The following XIRP2 variants were observed in gnomAD, a reference collection of about 807,000 sequenced individuals.
XIRP2 encodes the protein xin actin binding repeat containing 2, also known as xin actin-binding repeat-containing protein 2.
A neutral mutation model predicts 277.0 loss-of-function variants in XIRP2; 236 were observed. The observed-to-expected ratio is 0.85, with a 90% CI of 0.77 to 0.95. XIRP2 has a LOEUF of 0.95. Ranked by LOEUF, XIRP2 falls within the 40% of genes least tolerant of loss-of-function variation. The pLI is 0.00. For synonymous variants in XIRP2, 1,490 were observed against 1,416.5 expected, an observed-to-expected ratio of 1.05 and a Z score of -1.17; for missense variants, 4,640 against 4,157.5, an observed-to-expected ratio of 1.12 and a Z score of -3.19.
chr2:167,164,614 G>A (rs1053716898), intron 3 of XIRP2, among the ~76,000 whole-genome samples: 1 of 151,988 alleles, frequency 6.6e-6, no homozygotes, highest in Non-Finnish European at 1.5e-5. Context: ...TCTTTTACTG[G>A]CAATAACTCA....
chr2:167,058,990 T>G (rs1395659116), intron 2 of XIRP2, among the ~76,000 whole-genome samples: 1 of 151,322 alleles, frequency 6.6e-6, no homozygotes. Flanking sequence ...CAGAAAAAGA[T>G]GGAAAGAATA....
intron 2 of XIRP2, among the ~76,000 whole-genome samples, chr2:166,956,656 T>A (rs1686169285): frequency 6.6e-6 from 1 of 151,840 alleles, no homozygotes; most frequent in South Asian, 2.1e-4. Flanking sequence ...TTTCAGTTAA[T>A]CATCTTAACC....
rs768038617 is a variant in XIRP2 at position 167,136,037 on chromosome 2, A to C, written c.537A>C (p.Glu179Asp). The change falls in exon 3 of 11, where the codon GAA (glutamate) becomes GAC (aspartate). Residue 179 changes from glutamate to aspartate, a missense_variant. Glu to Asp is a conservative substitution (Grantham distance 45). Coordinates refer to ENST00000409195, the MANE Select transcript of XIRP2 (RefSeq NM_152381.6). ...CATCTTTTGACAAGATGTCACCTGAAAGTGGTCACAGCCGCATCTTTGAAG... is the reference window on the plus strand; with the variant it reads ...CATCTTTTGACAAGATGTCACCTGACAGTGGTCACAGCCGCATCTTTGAAG... ...KETSFDKMSPESGHSRIFEAT... is the reference protein window; with the variant it reads ...KETSFDKMSPDSGHSRIFEAT... The C allele has an allele frequency of 1.2e-6, 2 of 1,608,482 alleles. No individual in the cohort carries two copies. The highest frequency in any genetic ancestry group is 2.2e-5 in the South Asian group (2 of 90,240).
intron 2 of XIRP2, among the ~76,000 whole-genome samples, chr2:166,911,464 A>G (rs1684697157): frequency 6.6e-6 from 1 of 152,098 alleles, no homozygotes; most frequent in Non-Finnish European, 1.5e-5. Flanking sequence ...TTTGCTTGGT[A>G]GATCTTCCTT....
chr2:167,155,024 C>T (rs1574304228), intron 3 of XIRP2, among the ~76,000 whole-genome samples: 2 of 151,966 alleles, frequency 1.3e-5, no homozygotes, highest in East Asian at 1.9e-4. Context: ...TCAACACATA[C>T]ACCCTCCCAA....
chr2:167,035,737 C>T (rs1248142848), intron 2 of XIRP2, among the ~76,000 whole-genome samples: 1 of 152,154 alleles, frequency 6.6e-6, no homozygotes, highest in Non-Finnish European at 1.5e-5. Context: ...TGTTAATCCC[C>T]AAGACCATGG....
intron 3 of XIRP2, among the ~76,000 whole-genome samples, chr2:167,196,296 T>G (rs1693504895): frequency 6.6e-6 from 1 of 152,134 alleles, no homozygotes; most frequent in Non-Finnish European, 1.5e-5. Context: ...ACTAGAGATG[T>G]GCATTAGGTG....
chr2:166,931,488 C>T (rs1685335822), intron 2 of XIRP2, among the ~76,000 whole-genome samples: 1 of 152,184 alleles, frequency 6.6e-6, no homozygotes, highest in Non-Finnish European at 1.5e-5. Flanking sequence ...TCCAGCACCA[C>T]TTTTAAACTT....
chr2:167,142,081 C>T (rs1369891311), intron 3 of XIRP2, among the ~76,000 whole-genome samples: 1 of 152,118 alleles, frequency 6.6e-6, no homozygotes, highest in African/African-American at 2.4e-5. Flanking sequence ...TGTGGAATCA[C>T]TCCTACCCTG....
At chr2:167,045,036 G>GA (rs1046327080) in intron 2 of XIRP2, among the ~76,000 whole-genome samples, 19 of 150,896 alleles carry the variant, frequency 1.3e-4, no homozygotes, top group African/African-American at 4.4e-4. Flanking sequence ...CATACTATTG[G>GA]AAAAAAAAGA....
chr2:167,173,618 T>G (rs967247594), intron 3 of XIRP2, among the ~76,000 whole-genome samples: 1 of 152,206 alleles, frequency 6.6e-6, no homozygotes, highest in Non-Finnish European at 1.5e-5. Flanking sequence ...CTTCAATACA[T>G]TGATTTCCCT....
chr2:166,950,853 T>C (rs551562669), intron 2 of XIRP2, among the ~76,000 whole-genome samples: 1 of 152,174 alleles, frequency 6.6e-6, no homozygotes, highest in African/African-American at 2.4e-5. Context: ...CAGTACAAAG[T>C]TCCCTCGTTA....
rs1695126510 is a variant in XIRP2, at chr2:167,243,165, T to C, written c.1773T>C (p.Asn591=). 6.2e-7 allele frequency: 1 copy of C among 1,614,148 alleles called. No homozygotes were observed. Among genetic ancestry groups the C allele is most frequent in the Non-Finnish European group, 8.5e-7 (1 of 1,179,992 alleles). ...FENQPLDSIN[N]GSPDEGDISR... ...ATCAACCATTGGATTCCATCAACAA[T>C]GGCTCTCCTGATGAAGGTGATATTT... is the stretch of plus-strand genomic sequence containing the variant. Residue 591 remains asparagine, a synonymous_variant, in exon 9 of 11, where the codon AAT becomes AAC. Transcript: ENST00000409195.
chr2:166,899,180 A>T (rs1684315789), intron 1 of XIRP2, among the ~76,000 whole-genome samples: 1 of 152,036 alleles, frequency 6.6e-6, no homozygotes, highest in South Asian at 2.1e-4. Context: ...AGTATGATGG[A>T]TTTTTATTAG....
intron 2 of XIRP2, among the ~76,000 whole-genome samples, chr2:167,069,812 T>A (rs977766714): frequency 6.6e-6 from 1 of 152,160 alleles, no homozygotes; most frequent in African/African-American, 2.4e-5. Context: ...TTTCTACTTT[T>A]ATTTTTCAGT....
chr2:167,231,068 CAA>C (rs1451387308), intron 5 of XIRP2, among the ~76,000 whole-genome samples: 1 of 152,038 alleles, frequency 6.6e-6, no homozygotes, highest in East Asian at 1.9e-4. Context: ...AAAGAAAACA[CAA>C]GTTATCATTT....
chr2:167,195,490 C>T (rs1179193319), intron 3 of XIRP2, among the ~76,000 whole-genome samples: 5 of 152,174 alleles, frequency 3.3e-5, no homozygotes, highest in Admixed American at 3.3e-4. Context: ...CTTAGCATGT[C>T]CTGCACAGCA....
chr2:167,105,132 A>G (rs957825810), intron 2 of XIRP2, among the ~76,000 whole-genome samples: 1 of 152,012 alleles, frequency 6.6e-6, no homozygotes, highest in East Asian at 1.9e-4. Context: ...ATCCACACAG[A>G]ATTGTAAGAA....
At chr2:167,232,848 A>G (rs1694799759) in intron 5 of XIRP2, among the ~76,000 whole-genome samples, 1 of 151,886 alleles carries the variant, frequency 6.6e-6, no homozygotes, top group Admixed American at 6.6e-5. Flanking sequence ...CTGACTCTAG[A>G]GGCTGGGCCT....
Sources: gnomAD v4.1 joint callset for allele counts (sites outside exome capture counted in the v4.1 genomes callset) on GRCh38, gnomAD v4.1.1 for gene constraint, MANE v1.5 for transcripts, NCBI Gene and HGNC (gene_info 2026-07-23, HGNC 2026-07-21) for gene names.